The following NHS variants were observed in gnomAD, a reference collection of about 807,000 sequenced individuals.
NHS encodes the protein actin remodeling regulator NHS.
Under a neutral mutation model 72.5 loss-of-function variants are expected in NHS, and 5 were observed. The ratio of observed to expected loss-of-function variants is 0.07; its 90% confidence interval spans 0.04 to 0.14. The LOEUF (loss-of-function observed/expected upper bound fraction) is 0.14, where lower values mean the gene tolerates loss of function less well. Among genes scored for constraint, NHS ranks in the 10% least tolerant of loss-of-function variants. The pLI, the probability that NHS is intolerant of heterozygous loss-of-function variation, is 1.00. For missense variants in NHS, 1,072 were observed against 1,355.7 expected (o/e 0.79, Z 3.29); for synonymous variants, 464 against 547.7 (o/e 0.85, Z 2.13).
intron 1 of NHS, among the ~76,000 whole-genome samples, chrX:17,420,715 C>T (rs1433657815): frequency 8.9e-6 from 1 of 111,770 alleles, no homozygotes; most frequent in Non-Finnish European, 1.9e-5. Context: ...GCTCAAAATC[C>T]AAGCAAGGAG....
chrX:17,666,381 A>G (rs1044383714), intron 1 of NHS, among the ~76,000 whole-genome samples: 2 of 111,153 alleles, frequency 1.8e-5, no homozygotes, highest in African/African-American at 6.7e-5. Context: ...CAAATTTGAT[A>G]AAGAATGGAG....
At chrX:17,417,853 T>C (rs894756759) in intron 1 of NHS, among the ~76,000 whole-genome samples, 4 of 112,087 alleles carry the variant, frequency 3.6e-5, no homozygotes, top group African/African-American at 1.3e-4. Flanking sequence ...GGATGAGAAA[T>C]AAAAGACCAC....
intron 1 of NHS, among the ~76,000 whole-genome samples, chrX:17,529,623 C>T (rs2065189479): frequency 9.0e-6 from 1 of 111,681 alleles, no homozygotes; most frequent in Non-Finnish European, 1.9e-5. Context: ...CAGCAGAAAA[C>T]AGAAATGAGA....
intron 1 of NHS, among the ~76,000 whole-genome samples, chrX:17,383,242 A>T (rs1044167017): frequency 8.9e-6 from 1 of 111,893 alleles, no homozygotes; most frequent in South Asian, 3.7e-4. Flanking sequence ...TGCAACCAAG[A>T]CAATCTATTT....
At chrX:17,398,036 T>C (rs1225515893) in intron 1 of NHS, among the ~76,000 whole-genome samples, 1 of 112,367 alleles carries the variant, frequency 8.9e-6, no homozygotes, top group Non-Finnish European at 1.9e-5. Flanking sequence ...CATGTGAAAC[T>C]ACTTCTCCTC....
intron 1 of NHS, among the ~76,000 whole-genome samples, chrX:17,440,380 A>G (rs1314543762): frequency 9.0e-6 from 1 of 111,114 alleles, no homozygotes; most frequent in Admixed American, 9.5e-5. Context: ...AGATACACCT[A>G]AAGATGGACT....
chrX:17,425,820 T>C (rs2064654256), intron 1 of NHS: 1 of 112,237 alleles, frequency 8.9e-6, no homozygotes, highest in East Asian at 2.8e-4. Context: ...GCTCCTGCCT[T>C]GGATCAATTA....
In NHS at chrX:17,729,840, G is replaced by T. The variant is rs770287195; in HGVS notation, c.4349+1065G>T. Among the ~76,000 whole-genome samples the T allele has an allele frequency of 3.0e-3, 337 of 112,276 alleles. 3 individuals are homozygous for T. Among genetic ancestry groups the T allele is most frequent in the African/African-American group, 0.01 (309 of 30,896 alleles). ...GAACTCCCAAGAGATACAACTTGGG[G>T]ATTGTCTTTTCTACCTCATAAAGTT... On this transcript the variant is annotated intron_variant, in intron 8 of 8. Coordinates refer to ENST00000676302, the MANE Select transcript of NHS (RefSeq NM_001291867.2).
intron 5 of NHS, among the ~76,000 whole-genome samples, chrX:17,722,549 T>C (rs1276648523): frequency 3.6e-5 from 4 of 111,621 alleles, no homozygotes. Flanking sequence ...TCAAATAAAG[T>C]GGGGAAGCAA....
At chrX:17,566,412 G>A (rs1335464330) in intron 1 of NHS, among the ~76,000 whole-genome samples, 1 of 111,885 alleles carries the variant, frequency 8.9e-6, no homozygotes, top group Non-Finnish European at 1.9e-5. Flanking sequence ...AATTCTTTGT[G>A]ATTTCTTTAA....
chrX:17,665,087 T>G (rs1196207953), intron 1 of NHS, among the ~76,000 whole-genome samples: 1 of 109,404 alleles, frequency 9.1e-6, no homozygotes, highest in East Asian at 2.8e-4. Flanking sequence ...TGCAATTGAT[T>G]TTTATATATT....
intron 1 of NHS, among the ~76,000 whole-genome samples, chrX:17,562,436 C>A (rs1314090531): frequency 2.7e-5 from 3 of 111,750 alleles, no homozygotes; most frequent in African/African-American, 9.8e-5. Flanking sequence ...TCAGGCCAAA[C>A]CTGTGGGTAT....
intron 1 of NHS, among the ~76,000 whole-genome samples, chrX:17,378,250 A>C (rs2064357070): frequency 9.1e-6 from 1 of 110,041 alleles, no homozygotes; most frequent in Non-Finnish European, 1.9e-5. Context: ...ACAAACTAAT[A>C]GTTAGTAGAG....
At chrX:17,662,960 T>C (rs191193808) in intron 1 of NHS, among the ~76,000 whole-genome samples, 1 of 112,055 alleles carries the variant, frequency 8.9e-6, no homozygotes, top group East Asian at 2.8e-4. Context: ...TTTGCAATGG[T>C]GTTGACTCCC....
At chrX:17,676,983 G>C (rs2066086039) in intron 1 of NHS, among the ~76,000 whole-genome samples, 1 of 111,570 alleles carries the variant, frequency 9.0e-6, no homozygotes, top group African/African-American at 3.3e-5. Context: ...GTGGTCCACT[G>C]ACTGGCAACA....
chrX:17,554,780 G>A (rs1307449997), intron 1 of NHS, among the ~76,000 whole-genome samples: 1 of 112,162 alleles, frequency 8.9e-6, no homozygotes, highest in Non-Finnish European at 1.9e-5. Context: ...AGAGTGTGAA[G>A]CCCAACTGGA....
At chrX:17,641,781 GA>G (rs1481174608) in intron 1 of NHS, among the ~76,000 whole-genome samples, 1 of 109,244 alleles carries the variant, frequency 9.2e-6, no homozygotes, top group Non-Finnish European at 1.9e-5. Flanking sequence ...AAAAAGAAAA[GA>G]AAAAAACAAA....
At chrX:17,612,264 G>C (rs2065715388) in intron 1 of NHS, among the ~76,000 whole-genome samples, 1 of 108,031 alleles carries the variant, frequency 9.3e-6, no homozygotes, top group South Asian at 4.2e-4. Flanking sequence ...TGCTGAAATA[G>C]ACAAACACGA....
chrX:17,386,417 T>C (rs1169894901), intron 1 of NHS, among the ~76,000 whole-genome samples: 1 of 110,523 alleles, frequency 9.0e-6, no homozygotes, highest in South Asian at 3.9e-4. Context: ...TCCCAGCACT[T>C]TGGGAGGCTG....
Sources: allele counts gnomAD v4.1 joint callset (sites outside exome capture counted in the v4.1 genomes callset), GRCh38; gene constraint gnomAD v4.1.1; transcripts MANE v1.5; gene names NCBI Gene and HGNC (gene_info 2026-07-23, HGNC 2026-07-21).